The following PNPLA8 variants were observed in gnomAD, a reference collection of about 807,000 sequenced individuals.
The protein encoded by PNPLA8 is calcium-independent phospholipase A2-gamma.
Under a neutral mutation model 76.9 loss-of-function variants are expected in PNPLA8, and 39 were observed. The ratio of observed to expected loss-of-function variants is 0.51; its 90% confidence interval spans 0.39 to 0.66. PNPLA8 has a LOEUF of 0.66. Ranked by LOEUF, PNPLA8 falls within the 30% of genes least tolerant of loss-of-function variation. The probability of loss-of-function intolerance (pLI) is 0.00; values close to 1 mark genes in which losing one functional copy is unlikely to be tolerated. For missense variants in PNPLA8, 887 were observed against 918.0 expected (o/e 0.97, Z 0.44); for synonymous variants, 301 against 307.9 (o/e 0.98, Z 0.24).
chr7:108,477,502 A>T (rs1860083673), intron 10 of PNPLA8, among the ~76,000 whole-genome samples: 1 of 152,128 alleles, frequency 6.6e-6, no homozygotes, highest in African/African-American at 2.4e-5. Context: ...AGTGGTAATA[A>T]TTTTTTTTAA....
chr7:108,497,414 CATAAGTG>C (rs1236330958), intron 6 of PNPLA8, 62 bp downstream of exon 6: 19 of 1,063,074 alleles, frequency 1.8e-5, no homozygotes, highest in Non-Finnish European at 2.6e-5. Flanking sequence ...TGATCTTAAA[CATAAGTG>C]CTTAATGTTC....
At chr7:108,493,193 C>T (rs113757253) in intron 7 of PNPLA8, among the ~76,000 whole-genome samples, 324 of 152,134 alleles carry the variant, frequency 2.1e-3, no homozygotes, top group African/African-American at 6.9e-3. Context: ...AAACAACTAA[C>T]GACACTGATA....
intron 6 of PNPLA8, 75 bp downstream of exon 6, chr7:108,497,408 C>T: frequency 2.0e-6 from 2 of 1,005,762 alleles, no homozygotes; most frequent in Non-Finnish European, 3.0e-6. Flanking sequence ...GGACTATGAT[C>T]TTAAACATAA....
Position 108,472,586 on chromosome 7 carries a change from T to C in PNPLA8, c.2164A>G (p.Ser722Gly). 6.2e-7 allele frequency: 1 copy of C among 1,613,084 alleles called. No individual in the cohort carries two copies. The highest frequency in any genetic ancestry group is 8.5e-7 in the Non-Finnish European group (1 of 1,179,608). Residue 722 changes from serine to glycine, a missense_variant, in exon 11 of 11, where the codon AGT (serine) becomes GGT (glycine). Transcript: ENST00000257694. ...AGCTGATCCAGCTTTTCATTTCGAC[T>C]TTCATCTAGAGGTATGTTTTCACAC... ...VMCENIPLDE[S>G]RNEKLDQLQL...
chr7:108,515,255 T>TAAAC lies in PNPLA8; in HGVS notation c.233_236dup (p.His80PhefsTer9). The TAAAC allele has an allele frequency of 5.0e-6, 8 of 1,603,266 alleles. No homozygotes were observed. The highest frequency in any genetic ancestry group is 6.0e-6 in the Non-Finnish European group (7 of 1,174,142). On this transcript the variant is annotated frameshift_variant, in exon 3 of 11. Transcript: ENST00000257694. LOFTEE classifies it high-confidence loss of function. Reference sequence around the variant, plus strand: ...TGCTAAGTTTCAAAATCCCAATATGTAAACCATGGTTGCTTGGAGAGTAAC... The same window carrying TAAAC: ...TGCTAAGTTTCAAAATCCCAATATGTAAACAAACCATGGTTGCTTGGAGAGTAAC...
At chr7:108,479,503 G>T in intron 9 of PNPLA8, 124 bp from the exon 10 acceptor site, 1 of 658,142 alleles carries the variant, frequency 1.5e-6, no homozygotes, top group Non-Finnish European at 2.6e-6. Context: ...TTCTTTTATA[G>T]ACTACAGCTG....
Position 108,514,251 on chromosome 7 carries a change from C to T in PNPLA8, c.1099G>A (p.Val367Ile), listed in dbSNP as rs1404894394. 1 of 1,611,752 alleles carries T rather than the reference C, an allele frequency of 6.2e-7. No individual in the cohort carries two copies. Among genetic ancestry groups the T allele is most frequent in the African/African-American group, 1.3e-5 (1 of 74,858 alleles). ...TCAGTTGTTCTTCTTAATGCCTGAA[C>T]TAATGCCCGGGTCCTGTTATCAATA... is the stretch of plus-strand genomic sequence containing the variant. ...VSIDNRTRAL[V>I]QALRRTTDPK... Residue 367 changes from valine (V) to isoleucine (I), a missense_variant, in exon 4 of 11, where the codon GTT becomes ATT. Val to Ile is a conservative substitution (Grantham distance 29). Transcript: ENST00000257694.
At chr7:108,526,207 G>C (rs1000345211), upstream of PNPLA8, 39 of 554,842 alleles carry the variant, frequency 7.0e-5, 1 homozygote, top group Non-Finnish European at 1.4e-5. Context: ...CGCGCTAGAA[G>C]TTTGGGTCTA....
chr7:108,488,799 C>T lies in PNPLA8; in HGVS notation c.1684-846G>A, dbSNP rs1860931236. On this transcript the variant is annotated intron_variant, in intron 8 of 10. Coordinates refer to ENST00000257694, the MANE Select transcript of PNPLA8 (RefSeq NM_001256007.3). ...CCATCTCAGGTCTCAAATTTTATCA[C>T]TGTCAGTTAAATTTACATGAAATGT... is the stretch of plus-strand genomic sequence containing the variant. Among the ~76,000 whole-genome samples the T allele has an allele frequency of 5.3e-5, 8 of 152,294 alleles. No individual in the cohort carries two copies. In the South Asian group the frequency reaches 1.7e-3, roughly 32 times the overall value.
intron 9 of PNPLA8, among the ~76,000 whole-genome samples, chr7:108,482,981 G>A (rs1860502968): frequency 6.6e-6 from 1 of 152,164 alleles, no homozygotes; most frequent in Non-Finnish European, 1.5e-5. Context: ...CTCATGAAAT[G>A]TGAAGAACAC....
rs1382808891 is a variant in PNPLA8, at chr7:108,487,860, A to C, written c.1777T>G (p.Tyr593Asp). The C allele has an allele frequency of 6.2e-7, 1 of 1,613,312 alleles. No homozygotes were observed. Among genetic ancestry groups the C allele is most frequent in the South Asian group, 1.1e-5 (1 of 91,038 alleles). ...YGHFPGINSH[Y>D]LGGCQYKMWQ... ...ATTTTATACTGACAGCCTCCCAAAT[A>C]ATGAGAGTTGATTCCAGGAAAATGA... Residue 593 changes from tyrosine (Y) to aspartate (D), a missense_variant, in exon 9 of 11, where the codon TAT (tyrosine) becomes GAT (aspartate). Coordinates refer to ENST00000257694, the MANE Select transcript of PNPLA8 (RefSeq NM_001256007.3).
intron 4 of PNPLA8, chr7:108,510,414 G>T: frequency 2.0e-6 from 3 of 1,519,536 alleles, no homozygotes; most frequent in Non-Finnish European, 2.7e-6. Flanking sequence ...AGGGAATATA[G>T]GCAGATGTAC....
intron 4 of PNPLA8, among the ~76,000 whole-genome samples, chr7:108,506,132 CTT>C (rs1309158593): frequency 6.6e-6 from 1 of 152,172 alleles, no homozygotes; most frequent in Non-Finnish European, 1.5e-5. Context: ...AATCCCAATA[CTT>C]TGGGAGGCCG....
chr7:108,497,613 G>A, intron 5 of PNPLA8, 36 bp from the exon 6 acceptor site: 1 of 1,240,834 alleles, frequency 8.1e-7, no homozygotes, highest in Non-Finnish European at 1.1e-6. Context: ...GACAATTCCT[G>A]TTTAAAGAAA....
chr7:108,515,555 G>T lies in PNPLA8; in HGVS notation c.-64C>A. The T allele has an allele frequency of 7.7e-7, 1 of 1,291,894 alleles. No individual in the cohort carries two copies. The highest frequency in any genetic ancestry group is 9.8e-7 in the Non-Finnish European group (1 of 1,017,076). 80.0% of individuals were successfully genotyped at this position (1,291,894 alleles called of 1,614,324 possible). A position where few individuals can be genotyped will look rare whatever the true frequency, so the allele number is the denominator to read the frequency against. On this transcript the variant is annotated 5_prime_UTR_variant, in exon 3 of 11. Coordinates refer to ENST00000257694, the MANE Select transcript of PNPLA8 (RefSeq NM_001256007.3). Reference sequence around the variant, plus strand: ...TTCTTGAACGCTTCATTTAAGAAATGCCATAATTCATGGTCTTACCTGAAA... The same window carrying T: ...TTCTTGAACGCTTCATTTAAGAAATTCCATAATTCATGGTCTTACCTGAAA...
chr7:108,473,781 C>T (rs970966515), intron 10 of PNPLA8, among the ~76,000 whole-genome samples: 4 of 152,070 alleles, frequency 2.6e-5, no homozygotes, highest in African/African-American at 7.2e-5. Flanking sequence ...CATGGCTCAC[C>T]GCAACCTCGA....
intron 1 of PNPLA8, among the ~76,000 whole-genome samples, chr7:108,525,018 T>A (rs1274337427): frequency 1.3e-5 from 2 of 152,198 alleles, no homozygotes; most frequent in Non-Finnish European, 2.9e-5. Flanking sequence ...AACTGGCCCT[T>A]TCATTCAACA....
chr7:108,502,089 A>T (rs1861991491), intron 5 of PNPLA8, among the ~76,000 whole-genome samples: 2 of 152,090 alleles, frequency 1.3e-5, no homozygotes, highest in Admixed American at 6.5e-5. Context: ...ATTTGATTTT[A>T]TTTATATCAA....
intron 4 of PNPLA8, among the ~76,000 whole-genome samples, chr7:108,506,937 C>G (rs1357514627): frequency 6.6e-6 from 1 of 151,950 alleles, no homozygotes; most frequent in East Asian, 1.9e-4. Flanking sequence ...GTGTTGTTCT[C>G]TATATATAAT....
Sources: allele counts gnomAD v4.1 joint callset (sites outside exome capture counted in the v4.1 genomes callset), GRCh38; gene constraint gnomAD v4.1.1; transcripts MANE v1.5; gene names NCBI Gene and HGNC (gene_info 2026-07-23, HGNC 2026-07-21).